PTPRM: variants seen among roughly 807,000 people sequenced by gnomAD.
PTPRM encodes receptor-type tyrosine-protein phosphatase mu.
A neutral mutation model predicts 186.7 loss-of-function variants in PTPRM; 47 were observed. The observed-to-expected ratio is 0.25, with a 90% CI of 0.20 to 0.32. The LOEUF (loss-of-function observed/expected upper bound fraction) is 0.32, where lower values mean the gene tolerates loss of function less well. Among genes scored for constraint, PTPRM ranks in the 10% least tolerant of loss-of-function variants. The probability of loss-of-function intolerance (pLI) is 1.00; values close to 1 mark genes in which losing one functional copy is unlikely to be tolerated. For synonymous variants in PTPRM, 668 were observed against 674.9 expected (o/e 0.99, Z 0.16); for missense variants, 1,494 against 1,865.0 (o/e 0.80, Z 3.66).
Position 7,568,062 on chromosome 18 carries a change from G to T in PTPRM, c.73+171G>T, listed in dbSNP as rs1198424481. Reference sequence around the variant, plus strand: ...TGAGCCGGGCGCTGGGCGAGGGGCCGTGGGGCTGGCAGGCACCCAGTCCTC... The same window carrying T: ...TGAGCCGGGCGCTGGGCGAGGGGCCTTGGGGCTGGCAGGCACCCAGTCCTC... On this transcript the variant is annotated intron_variant, in intron 1 of 32. Transcript: ENST00000580170. This position sits in a 1 kb window ranked among gnomAD's most constrained non-coding sequence, Gnocchi z 5.1. Among the ~76,000 whole-genome samples, 1 of 151,864 alleles carries T rather than the reference G, an allele frequency of 6.6e-6. No individual in the cohort carries two copies. Among genetic ancestry groups the T allele is most frequent in the African/African-American group, 2.4e-5 (1 of 41,382 alleles).
chr18:8,243,106 A>G (rs1244959762), intron 14 of PTPRM, among the ~76,000 whole-genome samples: 3 of 152,228 alleles, frequency 2.0e-5, no homozygotes, highest in Admixed American at 2.0e-4. Context: ...AGCAAGATCT[A>G]TAAAAATTTG....
intron 20 of PTPRM, among the ~76,000 whole-genome samples, chr18:8,306,929 T>G (rs1293171662): frequency 6.6e-6 from 1 of 152,228 alleles, no homozygotes; most frequent in Non-Finnish European, 1.5e-5. Flanking sequence ...AAAGAATGGT[T>G]GATACATATT....
chr18:7,618,088 A>T (rs1470620734), intron 1 of PTPRM, among the ~76,000 whole-genome samples: 1 of 142,880 alleles, frequency 7.0e-6, no homozygotes, highest in East Asian at 1.9e-4. Flanking sequence ...TCCACTGTTA[A>T]TAAGAACATT....
chr18:7,642,917 T>C (rs1025055895), intron 1 of PTPRM, among the ~76,000 whole-genome samples: 9 of 151,464 alleles, frequency 5.9e-5, no homozygotes, highest in Non-Finnish European at 4.4e-5. Context: ...CTTTTAATAA[T>C]GGGGCATTCA....
chr18:8,084,606 G>A (rs141347967), intron 9 of PTPRM, among the ~76,000 whole-genome samples: 177 of 152,288 alleles, frequency 1.2e-3, no homozygotes, highest in African/African-American at 4.0e-3. Context: ...AAGAAAGAAT[G>A]TCAATTATCA....
At chr18:8,195,699 G>T (rs1039315994) in intron 14 of PTPRM, among the ~76,000 whole-genome samples, 7 of 152,104 alleles carry the variant, frequency 4.6e-5, no homozygotes. Flanking sequence ...GTGTACATTT[G>T]GGCATAGAGG....
rs191652556 is a variant in PTPRM, at chr18:7,881,005, A to G, written c.197-7101A>G. 2.0e-5 allele frequency among the ~76,000 whole-genome samples: 3 copies of G among 152,334 alleles called. No homozygotes were observed. In the East Asian group the frequency reaches 5.8e-4, roughly 29 times the overall value. ...AAATGCAATTGAGTTAGAATAGAAA[A>G]TGTACATGCAGTACATATATACACA... is the stretch of plus-strand genomic sequence containing the variant. On this transcript the variant is annotated intron_variant, in intron 2 of 32. Coordinates refer to ENST00000580170, the MANE Select transcript of PTPRM (RefSeq NM_001105244.2).
chr18:7,748,540 A>G (rs1336701132), intron 1 of PTPRM, among the ~76,000 whole-genome samples: 1 of 152,178 alleles, frequency 6.6e-6, no homozygotes, highest in Non-Finnish European at 1.5e-5. Flanking sequence ...CTTTAAGGAC[A>G]CTGTGGAGCA....
intron 14 of PTPRM, among the ~76,000 whole-genome samples, chr18:8,230,935 C>T (rs1479479539): frequency 6.6e-6 from 1 of 152,110 alleles, no homozygotes. Context: ...AATTTCATCC[C>T]TTCTTTAATA....
intron 13 of PTPRM, among the ~76,000 whole-genome samples, chr18:8,142,949 G>C (rs540391688): frequency 2.0e-4 from 31 of 152,274 alleles, no homozygotes; most frequent in African/African-American, 7.0e-4. Flanking sequence ...ACATGAGAAA[G>C]GGGAGCTAAG....
chr18:8,195,152 C>CTTTTTTTTTTTTTTTTTTTTTTTTTTT (rs1164451439), intron 14 of PTPRM, among the ~76,000 whole-genome samples: 2 of 117,066 alleles, frequency 1.7e-5, no homozygotes, highest in Non-Finnish European at 3.5e-5. Context: ...CTTAGAAGTT[C>CTTTTTTTTTTTTTTTTTTTTTTTTTTT]TTTTTTTTTT....
At position 7,840,090 on chromosome 18, in the gene PTPRM, G is replaced by C. The variant is rs1282403585; in HGVS notation, c.197-48016G>C. 1.2e-4 allele frequency among the ~76,000 whole-genome samples: 17 copies of C among 141,622 alleles called. No individual in the cohort carries two copies. In the East Asian group the frequency reaches 1.9e-3, roughly 16 times the overall value. The allele number at this position is 141,622 out of a possible 152,430, so 92.9% of individuals were successfully genotyped here. A position where few individuals can be genotyped will look rare whatever the true frequency, so the allele number is the denominator to read the frequency against. ...GGGGTGGGGGGTGGGGTGGAGGTGG[G>C]GGGGGAGGGCAGGGTGATGGGGGAG... is the stretch of plus-strand genomic sequence containing the variant. On this transcript the variant is annotated intron_variant, in intron 2 of 32. Coordinates refer to ENST00000580170, the MANE Select transcript of PTPRM (RefSeq NM_001105244.2).
intron 1 of PTPRM, among the ~76,000 whole-genome samples, chr18:7,700,962 C>T (rs1298518784): frequency 5.8e-5 from 7 of 121,654 alleles, no homozygotes; most frequent in African/African-American, 2.4e-4. Flanking sequence ...GGCAACAGAG[C>T]CAGAGCCTAT....
intron 7 of PTPRM, among the ~76,000 whole-genome samples, chr18:7,960,999 C>T (rs956417845): frequency 6.6e-6 from 1 of 152,034 alleles, no homozygotes; most frequent in Non-Finnish European, 1.5e-5. Context: ...ACCTGTTTCT[C>T]GTGTGTGGGT....
intron 23 of PTPRM, among the ~76,000 whole-genome samples, chr18:8,346,388 T>G (rs2095505324): frequency 6.6e-6 from 1 of 152,200 alleles, no homozygotes; most frequent in Non-Finnish European, 1.5e-5. Context: ...GTGGCCACCT[T>G]CTTGCGGCAA....
At chr18:8,083,514 TAA>T (rs1289765254) in intron 9 of PTPRM, among the ~76,000 whole-genome samples, 1 of 152,170 alleles carries the variant, frequency 6.6e-6, no homozygotes, top group Non-Finnish European at 1.5e-5. Flanking sequence ...AGTGGCTGTG[TAA>T]TAACCTCTCT....
chr18:8,158,814 C>T (rs502469), intron 14 of PTPRM, among the ~76,000 whole-genome samples: 18 of 152,090 alleles, frequency 1.2e-4, no homozygotes, highest in Non-Finnish European at 2.5e-4. Flanking sequence ...CGAGAGCGAG[C>T]GGGAGGGTGT....
intron 2 of PTPRM, among the ~76,000 whole-genome samples, chr18:7,817,856 G>A (rs2044930338): frequency 6.6e-6 from 1 of 152,124 alleles, no homozygotes; most frequent in Non-Finnish European, 1.5e-5. Context: ...GCTGGTCTCC[G>A]CTTGGAGTAA....
chr18:7,854,860 A>G (rs2047022514), intron 2 of PTPRM, among the ~76,000 whole-genome samples: 1 of 151,918 alleles, frequency 6.6e-6, no homozygotes, highest in Non-Finnish European at 1.5e-5. Context: ...TTATTGCTTC[A>G]TCCAGCCGAC....
Sources: allele counts gnomAD v4.1 joint callset (sites outside exome capture counted in the v4.1 genomes callset), GRCh38; gene constraint gnomAD v4.1.1; non-coding constraint Gnocchi (gnomAD v3.1); transcripts MANE v1.5; gene names NCBI Gene and HGNC (gene_info 2026-07-23, HGNC 2026-07-21).